ROBO3: variants seen among roughly 807,000 people sequenced by gnomAD.
ROBO3 encodes the protein roundabout homolog 3.
ROBO3 carries 97 observed loss-of-function variants against 160.5 expected under a neutral mutation model. The ratio of observed to expected loss-of-function variants is 0.60; its 90% CI spans 0.51 to 0.72. The LOEUF (loss-of-function observed/expected upper bound fraction) is 0.72, where lower values mean the gene tolerates loss of function less well. Ranked by LOEUF, ROBO3 falls within the 30% of genes least tolerant of loss-of-function variation. The probability of loss-of-function intolerance (pLI) is 0.00; values close to 1 mark genes in which losing one functional copy is unlikely to be tolerated. For synonymous variants in ROBO3, 780 were observed against 746.2 expected, an observed-to-expected ratio of 1.05 and a Z score of -0.74; for missense variants, 1,858 against 1,846.5, an observed-to-expected ratio of 1.01 and a Z score of -0.11.
At position 124,871,104 on chromosome 11, in the gene ROBO3, C is replaced by G. The variant is rs1417260501; in HGVS notation, c.1124C>G (p.Pro375Arg). 1 of 1,613,588 alleles carries G rather than the reference C, an allele frequency of 6.2e-7. No homozygotes were observed. The highest frequency in any genetic ancestry group is 1.7e-5 in the Admixed American group (1 of 60,014). ...CAGTGCGAGACCAAAGGAAACCCCC[C>G]ACCTGCCATCTTCTGGCAGAAGGAG... ...AFQCETKGNP[P>R]PAIFWQKEGS... Residue 375 changes from proline to arginine, a missense_variant, in exon 7 of 28, where the codon CCA becomes CGA. Pro to Arg is a moderately radical substitution (Grantham distance 103). Coordinates refer to ENST00000397801, the MANE Select transcript of ROBO3 (RefSeq NM_022370.4).
In ROBO3 at chr11:124,876,378, A is replaced by G. The variant is rs568188567; in HGVS notation, c.2697A>G (p.Ala899=). 776 of 1,444,114 alleles carry G rather than the reference A, an allele frequency of 5.4e-4. No individual in the cohort carries two copies. The highest frequency in any genetic ancestry group is 6.5e-4 in the Non-Finnish European group (718 of 1,106,370). The allele number at this position is 1,444,114 out of a possible 1,614,324, so 89.5% of individuals were successfully genotyped here. A position where few individuals can be genotyped will look rare whatever the true frequency, so the allele number is the denominator to read the frequency against. The change falls in exon 17 of 28, where the codon GCA becomes GCG. Residue 899 remains alanine, a synonymous_variant. Coordinates refer to ENST00000397801, the MANE Select transcript of ROBO3 (RefSeq NM_022370.4). This position sits in a 1 kb window ranked among gnomAD's most constrained non-coding sequence, Gnocchi z 5.3. The part of the protein sequence containing the change: ...REPAFLAGSG[A]ACGALLLGLC... ...CCGCCTTCCTCGCGGGCAGCGGCGCAGCCTGCGGGGCGCTGCTTCTCGGGC... is the reference window on the plus strand; with the variant it reads ...CCGCCTTCCTCGCGGGCAGCGGCGCGGCCTGCGGGGCGCTGCTTCTCGGGC...
At position 124,872,834 on chromosome 11, in the gene ROBO3, G is replaced by A. The variant is rs147451200; in HGVS notation, c.1331-50G>A. 1.0e-5 allele frequency: 15 copies of A among 1,442,366 alleles called. No individual in the cohort carries two copies. In the African/African-American group the frequency reaches 1.6e-4, roughly 15 times the overall value. The allele number at this position is 1,442,366 out of a possible 1,614,324, so 89.3% of individuals were successfully genotyped here. A position where few individuals can be genotyped will look rare whatever the true frequency, so the allele number is the denominator to read the frequency against. Reference sequence around the variant, plus strand: ...AGAGAATGAGGACAAGGGGCTGCCCGCGGGGCCCTAAGCTCCTCCCCTGAG... The same window carrying A: ...AGAGAATGAGGACAAGGGGCTGCCCACGGGGCCCTAAGCTCCTCCCCTGAG... On this transcript the variant is annotated intron_variant, in intron 8 of 27. Coordinates refer to ENST00000397801, the MANE Select transcript of ROBO3 (RefSeq NM_022370.4). This position sits in a 1 kb window ranked among gnomAD's most constrained non-coding sequence, Gnocchi z 4.3.
intron 1 of ROBO3, among the ~76,000 whole-genome samples, chr11:124,867,158 G>T (rs777672789): frequency 2.6e-5 from 4 of 152,094 alleles, no homozygotes; most frequent in Non-Finnish European, 5.9e-5. Flanking sequence ...TACACCTGAG[G>T]GCTATACCAA....
Position 124,878,801 on chromosome 11 carries a change from G to A in ROBO3, c.3533+5G>A. ...CCATCTCCATCAGATGCCCAGGTAG[G>A]GAGGTATATAGTACCTCACTCATTG... is the stretch of plus-strand genomic sequence containing the variant. On this transcript the variant is annotated splice_donor_5th_base_variant and intron_variant, in intron 23 of 27. Coordinates refer to ENST00000397801, the MANE Select transcript of ROBO3 (RefSeq NM_022370.4). This position sits in a 1 kb window ranked among gnomAD's most constrained non-coding sequence, Gnocchi z 4.3. 6.2e-7 allele frequency: 1 copy of A among 1,604,864 alleles called. No homozygotes were observed. The highest frequency in any genetic ancestry group is 8.5e-7 in the Non-Finnish European group (1 of 1,173,688).
In ROBO3 at chr11:124,876,748, A is replaced by T; in HGVS notation, c.2779+288A>T. The T allele has an allele frequency of 3.0e-6, 1 of 331,162 alleles. No homozygotes were observed. Among genetic ancestry groups the T allele is most frequent in the East Asian group, 8.2e-5 (1 of 12,234 alleles). The allele number at this position is 331,162 out of a possible 1,614,324, so 20.5% of individuals were successfully genotyped here. ...TCTCCATAAAGAAGGGGCAAGTTCG[A>T]GGACGGAAAGCCCACTCAAAGGGCG... On this transcript the variant is annotated intron_variant, in intron 17 of 27. Transcript: ENST00000397801. The surrounding 1 kb of genome is among the most constrained non-coding windows in gnomAD (Gnocchi z 5.3).
chr11:124,876,024 T>A lies in ROBO3; in HGVS notation c.2492T>A (p.Met831Lys), dbSNP rs1305539121. 1.2e-6 allele frequency: 2 copies of A among 1,604,632 alleles called. No individual in the cohort carries two copies. The highest frequency in any genetic ancestry group is 2.7e-5 in the African/African-American group (2 of 74,738). The change falls in exon 16 of 28, where the codon ATG (methionine) becomes AAG (lysine). Residue 831 changes from methionine (M) to lysine (K), a missense_variant. Coordinates refer to ENST00000397801, the MANE Select transcript of ROBO3 (RefSeq NM_022370.4). This position sits in a 1 kb window ranked among gnomAD's most constrained non-coding sequence, Gnocchi z 5.3. ...GCAGCAGGCTGGGCACGCTCCGCAA[T>A]GCTCCGAGGACTGGTGCCCGGTCTC... Reference protein sequence around the residue: ...RSAAGWARSAMLRGLVPGLLY... With the variant: ...RSAAGWARSAKLRGLVPGLLY...
In ROBO3 at chr11:124,868,808, G is replaced by A; in HGVS notation, c.167G>A (p.Arg56Lys). 2 of 1,608,494 alleles carry A rather than the reference G, an allele frequency of 1.2e-6. No individual in the cohort carries two copies. Among genetic ancestry groups the A allele is most frequent in the Non-Finnish European group, 1.7e-6 (2 of 1,177,934 alleles). The change falls in exon 2 of 28, where the codon AGG becomes AAG. Residue 56 changes from arginine to lysine, a missense_variant. Physicochemically the swap from Arg to Lys is conservative, Grantham distance 26 (BLOSUM62 2). Transcript: ENST00000397801. ...PPGDPSLNGS[R>K]VGPEDAMPRI... The stretch of plus-strand genomic sequence containing the variant: ...CGCCACCCCCTGTCCCCAGGGTCAA[G>A]GGTAGGACCGGAGGACGCTATGCCC...
chr11:124,875,316 C>T lies in ROBO3; in HGVS notation c.2279C>T (p.Thr760Ile), dbSNP rs754492657. The change falls in exon 14 of 28, where the codon ACC becomes ATC. Residue 760 changes from threonine to isoleucine, a missense_variant. Transcript: ENST00000397801. Reference sequence around the variant, plus strand: ...CTGGGGGCTGAAAGCCTCTCTGTGACCAGGAGCATTCCTGAGGAGGGTAAG... The same window carrying T: ...CTGGGGGCTGAAAGCCTCTCTGTGATCAGGAGCATTCCTGAGGAGGGTAAG... ...EGLGAESLSV[T>I]RSIPEEAPSG... 1.2e-6 allele frequency: 2 copies of T among 1,612,432 alleles called. No homozygotes were observed. The highest frequency in any genetic ancestry group is 1.3e-5 in the African/African-American group (1 of 74,602).
At position 124,873,988 on chromosome 11, in the gene ROBO3, G is replaced by C; in HGVS notation, c.1785-82G>C. The C allele has an allele frequency of 6.3e-7, 1 of 1,588,882 alleles. No homozygotes were observed. Among genetic ancestry groups the C allele is most frequent in the Non-Finnish European group, 8.6e-7 (1 of 1,161,030 alleles). ...CTTGCAAGGGGAAGACATAATGGTC[G>C]TTCATAGAGAGTGGATGAGATGGAG... On this transcript the variant is annotated intron_variant, in intron 11 of 27. Coordinates refer to ENST00000397801, the MANE Select transcript of ROBO3 (RefSeq NM_022370.4). This position sits in a 1 kb window ranked among gnomAD's most constrained non-coding sequence, Gnocchi z 4.5.
Position 124,866,988 on chromosome 11 carries a change from T to G in ROBO3, c.160+1251T>G, listed in dbSNP as rs907940233. On this transcript the variant is annotated intron_variant, in intron 1 of 27. Transcript: ENST00000397801. Reference sequence around the variant, plus strand: ...CGTTTACAGAGTGTTTTCACCATACTTTGTCTCATCTAAGCTCGAAACTTA... The same window carrying G: ...CGTTTACAGAGTGTTTTCACCATACGTTGTCTCATCTAAGCTCGAAACTTA... Among the ~76,000 whole-genome samples the G allele has an allele frequency of 3.7e-4, 57 of 152,120 alleles. 1 individual carries two copies. Among genetic ancestry groups the G allele is most frequent in the African/African-American group, 1.2e-3 (49 of 41,404 alleles).
Position 124,876,621 on chromosome 11 carries a change from C to G in ROBO3, c.2779+161C>G. 1 of 565,076 alleles carries G rather than the reference C, an allele frequency of 1.8e-6. No individual in the cohort carries two copies. Among genetic ancestry groups the G allele is most frequent in the Non-Finnish European group, 2.8e-6 (1 of 357,708 alleles). The allele number at this position is 565,076 out of a possible 1,614,324, so 35.0% of individuals were successfully genotyped here. ...TAGGGGCGGGATACGTGGGGCGACT[C>G]GAGGAGCTGCCAGGACTAGGGAGGG... On this transcript the variant is annotated intron_variant, in intron 17 of 27. Coordinates refer to ENST00000397801, the MANE Select transcript of ROBO3 (RefSeq NM_022370.4). The surrounding 1 kb of genome is among the most constrained non-coding windows in gnomAD (Gnocchi z 5.3).
At position 124,869,065 on chromosome 11, in the gene ROBO3, A is replaced by T. The variant is rs775408884; in HGVS notation, c.424A>T (p.Thr142Ser). 3 of 1,600,126 alleles carry T rather than the reference A, an allele frequency of 1.9e-6. No individual in the cohort carries two copies. In the East Asian group the frequency reaches 6.8e-5, roughly 36 times the overall value. The part of the protein sequence containing the change: ...RRARPDEGVY[T>S]CVARNYLGAA... The stretch of plus-strand genomic sequence containing the variant: ...CGCGCGGCCGGACGAAGGTGTCTAC[A>T]CTTGCGTGGCTCGCAACTACCTGGG... Residue 142 changes from threonine (T) to serine (S), a missense_variant, in exon 2 of 28, where the codon ACT becomes TCT. By Grantham distance (58) the Thr-to-Ser change is moderately conservative (BLOSUM62 1). Coordinates refer to ENST00000397801, the MANE Select transcript of ROBO3 (RefSeq NM_022370.4). The surrounding 1 kb of genome is among the most constrained non-coding windows in gnomAD (Gnocchi z 4.2).
In ROBO3 at chr11:124,876,634, G is replaced by A; in HGVS notation, c.2779+174G>A. On this transcript the variant is annotated intron_variant, in intron 17 of 27. Transcript: ENST00000397801. This position sits in a 1 kb window ranked among gnomAD's most constrained non-coding sequence, Gnocchi z 5.3. ...CGTGGGGCGACTCGAGGAGCTGCCA[G>A]GACTAGGGAGGGCTGCGGGCCAAGA... The A allele has an allele frequency of 1.9e-6, 1 of 534,046 alleles. No homozygotes were observed. The highest frequency in any genetic ancestry group is 4.2e-5 in the South Asian group (1 of 23,608). The allele number at this position is 534,046 out of a possible 1,614,324, so 33.1% of individuals were successfully genotyped here.
At chr11:124,874,732 C>T in intron 12 of ROBO3, 56 bp from the exon 13 acceptor site, 1 of 1,558,396 alleles carries the variant, frequency 6.4e-7, no homozygotes, top group South Asian at 1.2e-5. Context: ...AGCACACTCT[C>T]AGCCCTATCT....
Position 124,880,555 on chromosome 11 carries a change from A to G in ROBO3, c.4096A>G (p.Ser1366Gly). 1.2e-6 allele frequency: 1 copy of G among 800,680 alleles called. No homozygotes were observed. The highest frequency in any genetic ancestry group is 3.5e-5 in the Admixed American group (1 of 28,854). The allele number at this position is 800,680 out of a possible 1,614,324, so 49.6% of individuals were successfully genotyped here. The part of the protein sequence containing the change: ...RGSRGPGRSR[S>G]RSQSRSQSQR... ...CTCCCGGGGCCCTGGCCGGAGCCGG[A>G]GTCGGAGTCAGAGCCGGAGCCAGAG... The change falls in exon 27 of 28, where the codon AGT becomes GGT. Residue 1366 changes from serine to glycine, a missense_variant. Transcript: ENST00000397801.
chr11:124,876,154 A>T lies in ROBO3; in HGVS notation c.2593+29A>T. 1 of 1,572,766 alleles carries T rather than the reference A, an allele frequency of 6.4e-7. No individual in the cohort carries two copies. On this transcript the variant is annotated intron_variant, in intron 16 of 27. Coordinates refer to ENST00000397801, the MANE Select transcript of ROBO3 (RefSeq NM_022370.4). This position sits in a 1 kb window ranked among gnomAD's most constrained non-coding sequence, Gnocchi z 5.3. Reference sequence around the variant, plus strand: ...AGTCCACCCGAGGGCAGTGCTGAGGATCTTGACGGGGGCGGGGCAAGCCCC... The same window carrying T: ...AGTCCACCCGAGGGCAGTGCTGAGGTTCTTGACGGGGGCGGGGCAAGCCCC...
In ROBO3 at chr11:124,873,832, C is replaced by T. The variant is rs2135331089; in HGVS notation, c.1754C>T (p.Ala585Val). Residue 585 changes from alanine (A) to valine (V), a missense_variant, in exon 11 of 28, where the codon GCA becomes GTA. Transcript: ENST00000397801. The surrounding 1 kb of genome is among the most constrained non-coding windows in gnomAD (Gnocchi z 4.5). Reference sequence around the variant, plus strand: ...AAGCCCAACCCACAAACTGGGGCTGCAGTCACGTCTTATGTGATAGAGGCC... The same window carrying T: ...AAGCCCAACCCACAAACTGGGGCTGTAGTCACGTCTTATGTGATAGAGGCC... ...TWKPNPQTGA[A>V]VTSYVIEAFS... The T allele has an allele frequency of 1.2e-6, 2 of 1,613,636 alleles. No individual in the cohort carries two copies. Among genetic ancestry groups the T allele is most frequent in the East Asian group, 2.2e-5 (1 of 44,882 alleles).
Position 124,873,423 on chromosome 11 carries a change from A to T in ROBO3, c.1618+32A>T, listed in dbSNP as rs1441550085. 21 of 1,564,852 alleles carry T rather than the reference A, an allele frequency of 1.3e-5. No homozygotes were observed. Among genetic ancestry groups the T allele is most frequent in the Non-Finnish European group, 8.7e-7 (1 of 1,144,512 alleles). ...TTTTTCTTTCTTCCCTTATTTTGAT[A>T]ATACCTTCCTCCAAACCTGCTTCAA... On this transcript the variant is annotated intron_variant, in intron 10 of 27. Coordinates refer to ENST00000397801, the MANE Select transcript of ROBO3 (RefSeq NM_022370.4). This position sits in a 1 kb window ranked among gnomAD's most constrained non-coding sequence, Gnocchi z 4.5.
chr11:124,880,981 G>A (rs1174725289), intron 27 of ROBO3, among the ~76,000 whole-genome samples: 2 of 152,162 alleles, frequency 1.3e-5, no homozygotes, highest in African/African-American at 4.8e-5. Context: ...TTGAGCCTGG[G>A]AGGTCAAGGC....
Sources: gnomAD v4.1 joint callset for allele counts (sites outside exome capture counted in the v4.1 genomes callset) on GRCh38, gnomAD v4.1.1 for gene constraint, Gnocchi (gnomAD v3.1) non-coding constraint, MANE v1.5 for transcripts, NCBI Gene and HGNC (gene_info 2026-07-23, HGNC 2026-07-21) for gene names.